Variants in GLIS3 observed in about 807,000 individuals in gnomAD.
GLIS3 encodes GLIS family zinc finger 3.
In GLIS3, 53 loss-of-function variants were observed where a neutral mutation model predicts 78.6. The observed-to-expected ratio is 0.67, with a 90% confidence interval of 0.54 to 0.85. GLIS3 has a LOEUF of 0.85. Ranked by LOEUF, GLIS3 falls within the 40% of genes least tolerant of loss-of-function variation. GLIS3 has a pLI of 0.00. For synonymous variants in GLIS3, 684 were observed against 509.9 expected (o/e 1.34, Z -4.60); for missense variants, 1,703 against 1,231.1 (o/e 1.38, Z -5.74).
intron 7 of GLIS3, among the ~76,000 whole-genome samples, chr9:3,897,002 T>G (rs1162635318): frequency 2.0e-5 from 3 of 152,164 alleles, no homozygotes; most frequent in Non-Finnish European, 2.9e-5. Flanking sequence ...CCTTAAAATA[T>G]TTAAAACTCT....
chr9:3,906,531 T>C (rs1823715370), intron 6 of GLIS3, among the ~76,000 whole-genome samples: 1 of 151,952 alleles, frequency 6.6e-6, no homozygotes, highest in African/African-American at 2.4e-5. Flanking sequence ...AAATCAGCAA[T>C]TTGGTTTTGA....
At chr9:4,344,884 G>T (rs777755986) in intron 2 of GLIS3, among the ~76,000 whole-genome samples, 2 of 152,004 alleles carry the variant, frequency 1.3e-5, no homozygotes, top group African/African-American at 4.8e-5. Context: ...AATCTTACTG[G>T]CTCTACCTTC....
At chr9:4,240,381 C>T (rs1823186275) in intron 2 of GLIS3, among the ~76,000 whole-genome samples, 1 of 152,158 alleles carries the variant, frequency 6.6e-6, no homozygotes, top group South Asian at 2.1e-4. Context: ...GTCATGTTCA[C>T]TCACCCACCA....
chr9:4,032,320 T>C (rs1297073123), intron 4 of GLIS3, among the ~76,000 whole-genome samples: 1 of 152,094 alleles, frequency 6.6e-6, no homozygotes, highest in Non-Finnish European at 1.5e-5. Context: ...AAAATCTGCA[T>C]TCCAGCTAGG....
chr9:4,062,704 G>A (rs1588576577), intron 4 of GLIS3, among the ~76,000 whole-genome samples: 2 of 152,258 alleles, frequency 1.3e-5, no homozygotes, highest in Non-Finnish European at 2.9e-5. Context: ...GAGGCGGGCG[G>A]ATCACAAGGT....
chr9:4,146,971 G>C (rs1234140904), intron 2 of GLIS3, among the ~76,000 whole-genome samples: 1 of 152,142 alleles, frequency 6.6e-6, no homozygotes, highest in Non-Finnish European at 1.5e-5. Context: ...CATCTTTAGA[G>C]TCAAATGCAC....
At chr9:4,421,082 C>G in the GLIS3 span, among the ~76,000 whole-genome samples, 1 of 152,208 alleles carries the variant, frequency 6.6e-6, no homozygotes, top group Non-Finnish European at 1.5e-5. Context: ...ACATCTTCAC[C>G]AGCACTGAGT....
intron 2 of GLIS3, among the ~76,000 whole-genome samples, chr9:4,196,978 G>A (rs1818917650): frequency 6.6e-6 from 1 of 152,090 alleles, no homozygotes; most frequent in Non-Finnish European, 1.5e-5. Context: ...GCATCTGCTT[G>A]CCTGGACCAG....
intron 4 of GLIS3, among the ~76,000 whole-genome samples, chr9:3,978,415 C>T (rs1255020208): frequency 6.6e-6 from 1 of 151,886 alleles, no homozygotes; most frequent in African/African-American, 2.4e-5. Flanking sequence ...AAAATAAAAC[C>T]ATTCTATACA....
At chr9:4,185,037 A>C (rs1389410975) in intron 2 of GLIS3, among the ~76,000 whole-genome samples, 3 of 152,224 alleles carry the variant, frequency 2.0e-5, no homozygotes, top group Non-Finnish European at 4.4e-5. Context: ...TATAACTATC[A>C]CTGTAACCTA....
chr9:3,875,016 C>G (rs1821223196), intron 8 of GLIS3, among the ~76,000 whole-genome samples: 1 of 152,104 alleles, frequency 6.6e-6, no homozygotes, highest in Non-Finnish European at 1.5e-5. Context: ...AACACAAACT[C>G]AGAGGATTTA....
chr9:3,865,654 G>A (rs1184279328), intron 8 of GLIS3, among the ~76,000 whole-genome samples: 1 of 152,162 alleles, frequency 6.6e-6, no homozygotes, highest in African/African-American at 2.4e-5. Context: ...AGCCTTTCTT[G>A]TTACTGTCAT....
chr9:4,183,836 T>C (rs1197636320), intron 2 of GLIS3, among the ~76,000 whole-genome samples: 1 of 152,214 alleles, frequency 6.6e-6, no homozygotes, highest in African/African-American at 2.4e-5. Flanking sequence ...TGTTTACATG[T>C]CTGACTTTCA....
intron 4 of GLIS3, among the ~76,000 whole-genome samples, chr9:4,062,680 C>A (rs1353141732): frequency 3.9e-5 from 6 of 152,210 alleles, no homozygotes; most frequent in Non-Finnish European, 8.8e-5. Context: ...GTAATCCCAG[C>A]ACTTCGGGAG....
chr9:4,048,873 T>G (rs990058800), intron 4 of GLIS3, among the ~76,000 whole-genome samples: 1 of 152,182 alleles, frequency 6.6e-6, no homozygotes, highest in Admixed American at 6.5e-5. Flanking sequence ...ACAGGCAATG[T>G]AGACCTCCTA....
the GLIS3 span, among the ~76,000 whole-genome samples, chr9:4,359,914 G>T: frequency 6.6e-6 from 1 of 150,690 alleles, no homozygotes; most frequent in African/African-American, 2.4e-5. Flanking sequence ...ACATATAAAT[G>T]TATTTTCTGT....
intron 4 of GLIS3, among the ~76,000 whole-genome samples, chr9:4,041,000 C>T (rs1255248491): frequency 2.0e-5 from 3 of 152,138 alleles, no homozygotes; most frequent in East Asian, 3.8e-4. Context: ...TGTCCCACCT[C>T]GTGATTCTAA....
the GLIS3 span, among the ~76,000 whole-genome samples, chr9:4,442,666 T>C: frequency 6.6e-6 from 1 of 152,090 alleles, no homozygotes; most frequent in South Asian, 2.1e-4. Flanking sequence ...TTTCAAAGTC[T>C]TGGTTAGACT....
intron 6 of GLIS3, among the ~76,000 whole-genome samples, chr9:3,915,827 T>A (rs1355969859): frequency 2.0e-5 from 3 of 152,018 alleles, no homozygotes; most frequent in African/African-American, 7.2e-5. Flanking sequence ...TCACTAGAAA[T>A]AAATTTATCA....
Sources: gnomAD v4.1 joint callset for allele counts (sites outside exome capture counted in the v4.1 genomes callset) on GRCh38, gnomAD v4.1.1 for gene constraint, MANE v1.5 for transcripts, NCBI Gene and HGNC (gene_info 2026-07-23, HGNC 2026-07-21) for gene names.